Variants in CLVS1 observed in about 807,000 individuals in gnomAD.
The protein encoded by CLVS1 is clavesin-1.
A neutral mutation model predicts 33.1 loss-of-function variants in CLVS1; 10 were observed. That is an observed-to-expected ratio of 0.30 (90% CI 0.19 to 0.51). CLVS1 has a LOEUF of 0.51. Ranked by LOEUF, CLVS1 falls within the 20% of genes least tolerant of loss-of-function variation. The pLI is 0.97. For synonymous variants in CLVS1, 163 were observed against 166.1 expected, an observed-to-expected ratio of 0.98 and a Z score of 0.14; for missense variants, 343 against 433.4, an observed-to-expected ratio of 0.79 and a Z score of 1.85.
At chr8:61,092,285 A>T (rs1805265038) in intron 1 of CLVS1, among the ~76,000 whole-genome samples, 1 of 152,156 alleles carries the variant, frequency 6.6e-6, no homozygotes, top group Admixed American at 6.5e-5. Flanking sequence ...TGTAGGTTAT[A>T]CATGTGATGG....
chr8:61,158,664 G>C (rs962027772), intron 2 of CLVS1, among the ~76,000 whole-genome samples: 12 of 151,882 alleles, frequency 7.9e-5, no homozygotes, highest in Non-Finnish European at 1.8e-4. Context: ...CTAGGAGTGA[G>C]GGTAGGGTCA....
chr8:61,218,437 GGAAGCAAAAAGAAATTGATTTCATA>G (rs1808137692), intron 2 of CLVS1, among the ~76,000 whole-genome samples: 1 of 151,740 alleles, frequency 6.6e-6, no homozygotes, highest in Non-Finnish European at 1.5e-5. Flanking sequence ...ACTTATACGT[GGAAGCAAAAAGAAATTGATTTCATA>G]GAAGTAAAAA....
chr8:61,074,480 A>T (rs1193530881), intron 1 of CLVS1, among the ~76,000 whole-genome samples: 3 of 136,012 alleles, frequency 2.2e-5, no homozygotes, highest in Non-Finnish European at 1.5e-5. Flanking sequence ...TATATATATA[A>T]GTATATGTGT....
At chr8:61,130,746 T>C (rs956475033) in intron 1 of CLVS1, among the ~76,000 whole-genome samples, 3 of 152,188 alleles carry the variant, frequency 2.0e-5, no homozygotes, top group Non-Finnish European at 4.4e-5. Context: ...GTACAGATGA[T>C]AGTAACCCCA....
intron 3 of CLVS1, among the ~76,000 whole-genome samples, chr8:61,383,357 TAGGA>T (rs1458301306): frequency 6.6e-6 from 1 of 152,252 alleles, no homozygotes; most frequent in African/African-American, 2.4e-5. Context: ...TTTCATCCTG[TAGGA>T]CTCTCTTCAG....
chr8:61,420,995 A>G (rs943958330), intron 3 of CLVS1, among the ~76,000 whole-genome samples: 4 of 152,194 alleles, frequency 2.6e-5, no homozygotes, highest in African/African-American at 7.2e-5. Context: ...GAAACAAACA[A>G]AAATCAAAAA....
chr8:61,498,305 AG>A (rs1362020741), intron 5 of CLVS1, among the ~76,000 whole-genome samples: 2 of 152,198 alleles, frequency 1.3e-5, no homozygotes, highest in Non-Finnish European at 2.9e-5. Context: ...AGATATACAA[AG>A]ATCTCCTTAT....
At chr8:61,133,025 C>A (rs1449562120) in intron 2 of CLVS1, among the ~76,000 whole-genome samples, 1 of 152,126 alleles carries the variant, frequency 6.6e-6, no homozygotes, top group Non-Finnish European at 1.5e-5. Flanking sequence ...TGAATTGGAG[C>A]AATACTATCT....
chr8:61,180,276 C>G (rs1052221246), intron 2 of CLVS1, among the ~76,000 whole-genome samples: 19 of 152,078 alleles, frequency 1.2e-4, no homozygotes, highest in African/African-American at 4.6e-4. Flanking sequence ...TACACCCTCC[C>G]AAGACTAAAC....
At chr8:61,409,824 GAT>G (rs1815147494) in intron 3 of CLVS1, among the ~76,000 whole-genome samples, 2 of 152,070 alleles carry the variant, frequency 1.3e-5, no homozygotes, top group African/African-American at 4.8e-5. Context: ...TTGACAACCT[GAT>G]AGATGAAAAA....
intron 1 of CLVS1, among the ~76,000 whole-genome samples, chr8:61,080,953 G>T (rs1399794883): frequency 6.6e-6 from 1 of 152,150 alleles, no homozygotes; most frequent in Non-Finnish European, 1.5e-5. Context: ...AAAGCATTTT[G>T]GGTGGCGGAA....
chr8:61,299,824 G>A lies in CLVS1; in HGVS notation c.-4G>A. On this transcript the variant is annotated 5_prime_UTR_variant, in exon 2 of 6. In the 5' UTR this introduces an upstream ATG that the reference lacks. Coordinates refer to ENST00000325897, the MANE Select transcript of CLVS1 (RefSeq NM_173519.3). ...GGCCACAGTTTCAGCAGACCATCAG[G>A]TGAATGGGACCAGTCTCTCTTCTTC... is the stretch of plus-strand genomic sequence containing the variant. 2 of 1,601,724 alleles carry A rather than the reference G, an allele frequency of 1.2e-6. No individual in the cohort carries two copies. Among genetic ancestry groups the A allele is most frequent in the Non-Finnish European group, 1.7e-6 (2 of 1,172,756 alleles).
chr8:61,450,690 AT>A (rs1816920490), intron 3 of CLVS1, among the ~76,000 whole-genome samples: 1 of 152,250 alleles, frequency 6.6e-6, no homozygotes, highest in Admixed American at 6.5e-5. Flanking sequence ...CTATATTTGT[AT>A]TTTTCAATGC....
At chr8:61,137,119 T>G (rs1276415638) in intron 2 of CLVS1, among the ~76,000 whole-genome samples, 1 of 152,238 alleles carries the variant, frequency 6.6e-6, no homozygotes, top group Non-Finnish European at 1.5e-5. Flanking sequence ...CTAAGAGCTA[T>G]GCAGCGTGCT....
chr8:61,475,874 G>A (rs1462041286), intron 5 of CLVS1, among the ~76,000 whole-genome samples: 2 of 152,180 alleles, frequency 1.3e-5, no homozygotes, highest in Non-Finnish European at 1.5e-5. Flanking sequence ...CCTTGCCCAT[G>A]TGTATGTCCT....
At chr8:61,278,833 G>A (rs1809614373) in intron 2 of CLVS1, among the ~76,000 whole-genome samples, 1 of 152,176 alleles carries the variant, frequency 6.6e-6, no homozygotes, top group African/African-American at 2.4e-5. Context: ...CTTGGGACAT[G>A]AGGATAGTTG....
intron 2 of CLVS1, among the ~76,000 whole-genome samples, chr8:61,254,060 T>A (rs763725675): frequency 6.6e-6 from 1 of 152,216 alleles, no homozygotes; most frequent in Non-Finnish European, 1.5e-5. Flanking sequence ...TTTATCTACC[T>A]TTGGTCTTTG....
intron 3 of CLVS1, among the ~76,000 whole-genome samples, chr8:61,427,459 G>A (rs1815937343): frequency 6.6e-6 from 1 of 152,200 alleles, no homozygotes. Context: ...AAAGTGAGAG[G>A]ATGGGGAGGG....
At chr8:61,491,069 G>C (rs1804060246) in intron 5 of CLVS1, among the ~76,000 whole-genome samples, 1 of 152,150 alleles carries the variant, frequency 6.6e-6, no homozygotes, top group Non-Finnish European at 1.5e-5. Context: ...CTGTAATTTT[G>C]AGACTTTCTA....
Sources: gnomAD v4.1 joint callset for allele counts (sites outside exome capture counted in the v4.1 genomes callset) on GRCh38, gnomAD v4.1.1 for gene constraint, MANE v1.5 for transcripts, NCBI Gene and HGNC (gene_info 2026-07-23, HGNC 2026-07-21) for gene names.